The following CDH13 variants were observed in gnomAD, a reference collection of about 807,000 sequenced individuals.
The protein encoded by CDH13 is cadherin 13, also known as cadherin-13.
CDH13 carries 24 observed loss-of-function variants against 63.8 expected under a neutral mutation model. The ratio of observed to expected loss-of-function variants is 0.38; its 90% CI spans 0.27 to 0.53. The LOEUF is 0.53. CDH13 is among the 20% of genes least tolerant of loss of function. The pLI is 0.85. For missense variants in CDH13, 1,049 were observed against 903.1 expected, an observed-to-expected ratio of 1.16 and a Z score of -2.07; for synonymous variants, 503 against 355.3, an observed-to-expected ratio of 1.42 and a Z score of -4.67.
At chr16:82,826,497 C>T (rs1421843032) in intron 1 of CDH13, 1 of 152,112 alleles carries the variant, frequency 6.6e-6, no homozygotes, top group Non-Finnish European at 1.5e-5. Flanking sequence ...TGTACATGAT[C>T]AGAATCCTAA....
chr16:82,683,857 G>C (rs1456748639), intron 1 of CDH13, among the ~76,000 whole-genome samples: 1 of 152,100 alleles, frequency 6.6e-6, no homozygotes, highest in Non-Finnish European at 1.5e-5. Flanking sequence ...CATATTATTA[G>C]GTTAAGGTAC....
chr16:83,288,254 G>T (rs1254801569), intron 5 of CDH13, among the ~76,000 whole-genome samples: 1 of 152,166 alleles, frequency 6.6e-6, no homozygotes, highest in Non-Finnish European at 1.5e-5. Context: ...CTTAGCGCCT[G>T]TCCTTGAGTG....
chr16:83,601,663 C>A (rs1484919424), intron 7 of CDH13, among the ~76,000 whole-genome samples: 2 of 152,140 alleles, frequency 1.3e-5, no homozygotes, highest in Non-Finnish European at 2.9e-5. Context: ...TAATGCAATG[C>A]CTGCCTCATC....
At chr16:82,639,387 G>A in intron 1 of CDH13, 3 of 1,535,588 alleles carry the variant, frequency 2.0e-6, no homozygotes, top group Non-Finnish European at 2.6e-6. Flanking sequence ...GCACTGCATG[G>A]TTCCCCCAGC....
chr16:83,205,384 A>G (rs2039153233), intron 4 of CDH13, among the ~76,000 whole-genome samples: 1 of 152,190 alleles, frequency 6.6e-6, no homozygotes, highest in Non-Finnish European at 1.5e-5. Context: ...CAATGATTGA[A>G]TGACCCAAAG....
At chr16:83,574,407 T>G (rs1904919931) in intron 7 of CDH13, among the ~76,000 whole-genome samples, 1 of 152,240 alleles carries the variant, frequency 6.6e-6, no homozygotes, top group South Asian at 2.1e-4. Flanking sequence ...TCAGTGGTGG[T>G]GTTCTCTTGA....
intron 1 of CDH13, among the ~76,000 whole-genome samples, chr16:82,796,626 C>G (rs1353766069): frequency 6.6e-6 from 1 of 152,220 alleles, no homozygotes; most frequent in Non-Finnish European, 1.5e-5. Flanking sequence ...GTGTTCCACA[C>G]TTGATTCCAA....
At chr16:82,854,982 G>A (rs1042503038) in intron 1 of CDH13, among the ~76,000 whole-genome samples, 2 of 152,024 alleles carry the variant, frequency 1.3e-5, no homozygotes, top group African/African-American at 4.8e-5. Flanking sequence ...AATGAGGAGT[G>A]AGTGAATGAA....
intron 1 of CDH13, among the ~76,000 whole-genome samples, chr16:82,740,458 A>G (rs2033878716): frequency 6.6e-6 from 1 of 152,198 alleles, no homozygotes; most frequent in Non-Finnish European, 1.5e-5. Flanking sequence ...GTATCTAGAT[A>G]GGGGTGGAAT....
At chr16:83,246,206 A>C (rs1904975563) in intron 5 of CDH13, among the ~76,000 whole-genome samples, 1 of 152,256 alleles carries the variant, frequency 6.6e-6, no homozygotes, top group Admixed American at 6.5e-5. Flanking sequence ...AAAAACCAAA[A>C]GTTGATTTCC....
chr16:83,327,748 G>A (rs978243420), intron 5 of CDH13, among the ~76,000 whole-genome samples: 1 of 152,170 alleles, frequency 6.6e-6, no homozygotes, highest in Non-Finnish European at 1.5e-5. Context: ...AGACGTGAAT[G>A]AAATGAGGGA....
intron 2 of CDH13, among the ~76,000 whole-genome samples, chr16:82,979,837 G>A (rs1038505859): frequency 3.3e-5 from 5 of 152,132 alleles, no homozygotes; most frequent in African/African-American, 1.2e-4. Context: ...AAATTGGCAG[G>A]GGGAAAGTGT....
At chr16:82,789,648 T>C (rs1317514605) in intron 1 of CDH13, among the ~76,000 whole-genome samples, 3 of 152,198 alleles carry the variant, frequency 2.0e-5, no homozygotes, top group Admixed American at 1.3e-4. Context: ...CAACCTACTT[T>C]TTTGTTTTGT....
intron 1 of CDH13, among the ~76,000 whole-genome samples, chr16:82,822,392 T>G (rs1172718713): frequency 6.6e-6 from 1 of 152,224 alleles, no homozygotes; most frequent in Non-Finnish European, 1.5e-5. Flanking sequence ...GTGTGTTATA[T>G]TACTGCCTGT....
chr16:82,830,937 G>A (rs2038511067), intron 1 of CDH13, among the ~76,000 whole-genome samples: 1 of 152,272 alleles, frequency 6.6e-6, no homozygotes, highest in South Asian at 2.1e-4. Flanking sequence ...TGTATCTTGT[G>A]TTATAATGGG....
intron 10 of CDH13, among the ~76,000 whole-genome samples, chr16:83,701,284 C>T (rs1259050414): frequency 2.6e-5 from 4 of 152,150 alleles, no homozygotes; most frequent in East Asian, 3.8e-4. Context: ...AGAGGGCAGC[C>T]GAATGGGGCC....
At chr16:83,227,095 A>G (rs17749399) in intron 5 of CDH13, among the ~76,000 whole-genome samples, 14,772 of 152,234 alleles carry the variant, frequency 0.097, 963 homozygotes, top group Admixed American at 0.13. Flanking sequence ...GATTGAAGTC[A>G]TGTTTTACGA....
chr16:83,210,406 G>C (rs911349717), intron 4 of CDH13, among the ~76,000 whole-genome samples: 2 of 152,076 alleles, frequency 1.3e-5, no homozygotes, highest in African/African-American at 4.8e-5. Context: ...GTCAGATGTG[G>C]GTTTGCATTT....
intron 5 of CDH13, among the ~76,000 whole-genome samples, chr16:83,285,139 G>C (rs574331813): frequency 3.9e-5 from 6 of 152,044 alleles, no homozygotes; most frequent in Admixed American, 1.3e-4. Flanking sequence ...CCAGAGTATC[G>C]ATGTGATCCT....
Sources: allele counts gnomAD v4.1 joint callset (sites outside exome capture counted in the v4.1 genomes callset), GRCh38; gene constraint gnomAD v4.1.1; transcripts MANE v1.5; gene names NCBI Gene and HGNC (gene_info 2026-07-23, HGNC 2026-07-21).